KMT2C: variants seen among roughly 807,000 people sequenced by gnomAD.
KMT2C encodes lysine methyltransferase 2C, also known as histone-lysine N-methyltransferase 2C.
A neutral mutation model predicts 507.9 loss-of-function variants in KMT2C; 88 were observed. The observed-to-expected ratio is 0.17, with a 90% confidence interval of 0.15 to 0.21. KMT2C has a LOEUF of 0.21. Ranked by LOEUF, KMT2C falls within the 10% of genes least tolerant of loss-of-function variation. KMT2C has a pLI of 1.00. For synonymous variants in KMT2C, 2,049 were observed against 2,080.8 expected (o/e 0.98, Z 0.42); for missense variants, 4,954 against 5,957.8 (o/e 0.83, Z 5.55).
intron 31 of KMT2C, among the ~76,000 whole-genome samples, chr7:152,188,586 A>AAC (rs1305307878): frequency 2.7e-5 from 4 of 150,816 alleles, no homozygotes; most frequent in Non-Finnish European, 5.9e-5. Flanking sequence ...AAAAAAAAAA[A>AAC]AAAATCTATG....
chr7:152,251,312 C>T (rs879523029), intron 11 of KMT2C, among the ~76,000 whole-genome samples: 1 of 151,908 alleles, frequency 6.6e-6, no homozygotes, highest in Non-Finnish European at 1.5e-5. Flanking sequence ...GTAACTGGCA[C>T]ATTATTTTAA....
At chr7:152,189,472 G>T (rs946406039) in intron 31 of KMT2C, among the ~76,000 whole-genome samples, 2 of 151,838 alleles carry the variant, frequency 1.3e-5, no homozygotes, top group African/African-American at 4.8e-5. Context: ...TTCCTAACCT[G>T]ATCACTTGAT....
At chr7:152,373,581 T>C (rs1172123527) in intron 1 of KMT2C, among the ~76,000 whole-genome samples, 1 of 152,190 alleles carries the variant, frequency 6.6e-6, no homozygotes, top group Non-Finnish European at 1.5e-5. Flanking sequence ...GACACTTTAA[T>C]ACCATAAAGG....
intron 9 of KMT2C, among the ~76,000 whole-genome samples, chr7:152,254,975 A>C (rs1412068202): frequency 6.6e-6 from 1 of 151,490 alleles, no homozygotes; most frequent in Non-Finnish European, 1.5e-5. Flanking sequence ...AATAAGCTTA[A>C]ATGTTGAAAA....
intron 1 of KMT2C, among the ~76,000 whole-genome samples, chr7:152,369,634 T>G (rs2097277187): frequency 1.3e-5 from 2 of 152,166 alleles, no homozygotes; most frequent in African/African-American, 4.8e-5. Context: ...CTTGGAGAAG[T>G]GAACCCACAA....
At chr7:152,187,643 G>A in intron 32 of KMT2C, 72 bp downstream of exon 32, 1 of 1,526,734 alleles carries the variant, frequency 6.5e-7, no homozygotes, top group Non-Finnish European at 8.9e-7. Context: ...AATCATTTAA[G>A]CAGACTAATT....
Position 152,305,845 on chromosome 7 carries a change from C to T in KMT2C, c.849+4121G>A, listed in dbSNP as rs535418067. Among the ~76,000 whole-genome samples the T allele has an allele frequency of 2.6e-5, 4 of 152,226 alleles. No individual in the cohort carries two copies. The East Asian group carries it at 7.7e-4, about 29-fold the overall frequency. ...CCTTGTATTTTCTCTGCACCAGTCC[C>T]GTAAGGAACTACTTCTCAAGGAGCC... On this transcript the variant is annotated intron_variant, in intron 6 of 58. Transcript: ENST00000262189.
chr7:152,408,050 G>C (rs968657381), intron 1 of KMT2C, among the ~76,000 whole-genome samples: 1 of 151,222 alleles, frequency 6.6e-6, no homozygotes, highest in Non-Finnish European at 1.5e-5. Context: ...AGCACTCTGG[G>C]AGGCCGAGGT....
intron 1 of KMT2C, among the ~76,000 whole-genome samples, chr7:152,390,884 C>T (rs1203002984): frequency 6.6e-6 from 1 of 152,080 alleles, no homozygotes; most frequent in Non-Finnish European, 1.5e-5. Context: ...CAACGGCTCA[C>T]GCCTGTAATC....
intron 1 of KMT2C, among the ~76,000 whole-genome samples, chr7:152,361,331 T>C (rs2097195184): frequency 6.6e-6 from 1 of 151,986 alleles, no homozygotes; most frequent in Admixed American, 6.6e-5. Context: ...GAGGCTGAGG[T>C]GGGTGGATCA....
intron 2 of KMT2C, among the ~76,000 whole-genome samples, chr7:152,356,592 A>T (rs949931474): frequency 6.6e-6 from 1 of 151,090 alleles, no homozygotes; most frequent in Non-Finnish European, 1.5e-5. Flanking sequence ...AAACAAAATT[A>T]AAAAAAATAA....
chr7:152,343,558 T>C (rs2097021596), intron 2 of KMT2C, among the ~76,000 whole-genome samples: 1 of 151,058 alleles, frequency 6.6e-6, no homozygotes, highest in South Asian at 2.1e-4. Context: ...GAAGAAATAT[T>C]CCTCAAATTA....
intron 6 of KMT2C, among the ~76,000 whole-genome samples, chr7:152,299,506 T>C (rs1019410336): frequency 5.3e-5 from 8 of 151,528 alleles, no homozygotes; most frequent in Admixed American, 1.3e-4. Context: ...TAAAACAAAG[T>C]AGCCAGGTGT....
intron 23 of KMT2C, among the ~76,000 whole-genome samples, chr7:152,209,078 G>A (rs2094386857): frequency 6.6e-6 from 1 of 151,514 alleles, no homozygotes; most frequent in African/African-American, 2.4e-5. Flanking sequence ...AGAATTGCTT[G>A]AACCTGGGAG....
In KMT2C at chr7:152,364,732, A is replaced by C. The variant is rs578011146; in HGVS notation, c.162-6057T>G. ...AGACATAACAAAAAAAAATCTATTC[A>C]AAATAAAGAACAGTATGAAAAATGA... On this transcript the variant is annotated intron_variant, in intron 1 of 58. Coordinates refer to ENST00000262189, the MANE Select transcript of KMT2C (RefSeq NM_170606.3). 8.5e-5 allele frequency among the ~76,000 whole-genome samples: 13 copies of C among 152,338 alleles called. No individual in the cohort carries two copies. In the South Asian group the frequency reaches 2.7e-3, roughly 32 times the overall value.
At chr7:152,228,962 C>T (rs1404697166) in intron 18 of KMT2C, among the ~76,000 whole-genome samples, 1 of 152,222 alleles carries the variant, frequency 6.6e-6, no homozygotes, top group South Asian at 2.1e-4. Flanking sequence ...CCTAAACTCA[C>T]AAAAACCTGT....
intron 52 of KMT2C, among the ~76,000 whole-genome samples, 181 bp downstream of exon 52, chr7:152,147,852 G>C (rs2091293542): frequency 6.6e-6 from 1 of 152,090 alleles, no homozygotes; most frequent in Non-Finnish European, 1.5e-5. Flanking sequence ...AAAGTGTTTA[G>C]ACAACTGTAT....
Position 152,177,141 on chromosome 7 carries a change from C to T in KMT2C, c.8312G>A (p.Ser2771Asn), listed in dbSNP as rs756760285. The T allele has an allele frequency of 1.2e-6, 2 of 1,613,634 alleles. No homozygotes were observed. Among genetic ancestry groups the T allele is most frequent in the South Asian group, 1.1e-5 (1 of 91,068 alleles). Residue 2771 changes from serine to asparagine, a missense_variant, in exon 38 of 59, where the codon AGC becomes AAC. Transcript: ENST00000262189. ...DPELDMGDKK[S>N]MFNEELDLPI... Reference sequence around the variant, plus strand: ...AAGGTCTAGTTCCTCATTAAACATGCTTTTCTTATCTCCCATGTCAAGTTC... The same window carrying T: ...AAGGTCTAGTTCCTCATTAAACATGTTTTTCTTATCTCCCATGTCAAGTTC...
rs573173433 is a variant in KMT2C, at chr7:152,279,209, T to G, written c.850-5342A>C. On this transcript the variant is annotated intron_variant, in intron 6 of 58. Coordinates refer to ENST00000262189, the MANE Select transcript of KMT2C (RefSeq NM_170606.3). ...TCTATCCACTGGCAAAATTTAAAAG[T>G]CCTTTCTATATAACGGCAGAGTTTC... Among the ~76,000 whole-genome samples the G allele has an allele frequency of 5.3e-5, 8 of 152,286 alleles. No homozygotes were observed. The South Asian group carries it at 1.2e-3, about 24-fold the overall frequency.
Sources: allele counts gnomAD v4.1 joint callset (sites outside exome capture counted in the v4.1 genomes callset), GRCh38; gene constraint gnomAD v4.1.1; transcripts MANE v1.5; gene names NCBI Gene and HGNC (gene_info 2026-07-23, HGNC 2026-07-21).